Variants in DAG1 observed in about 807,000 individuals in gnomAD.
The protein encoded by DAG1 is dystroglycan 1.
DAG1 carries 8 observed loss-of-function variants against 46.1 expected under a neutral mutation model. That is an observed-to-expected ratio of 0.17 (90% CI 0.10 to 0.31). The LOEUF (loss-of-function observed/expected upper bound fraction) is 0.31. Ranked by LOEUF, DAG1 falls within the 10% of genes least tolerant of loss-of-function variation. DAG1 has a pLI of 1.00. For synonymous variants in DAG1, 495 were observed against 481.8 expected, an observed-to-expected ratio of 1.03 and a Z score of -0.36; for missense variants, 1,003 against 1,189.9, an observed-to-expected ratio of 0.84 and a Z score of 2.31.
intron 1 of DAG1, among the ~76,000 whole-genome samples, chr3:49,473,244 T>C (rs965573191): frequency 3.3e-5 from 5 of 151,718 alleles, no homozygotes; most frequent in African/African-American, 1.2e-4. Flanking sequence ...TGAAACCCTG[T>C]CTCTACTAAA....
At chr3:49,474,180 G>A (rs1310550048) in intron 1 of DAG1, among the ~76,000 whole-genome samples, 4 of 151,050 alleles carry the variant, frequency 2.6e-5, no homozygotes, top group Non-Finnish European at 5.9e-5. Flanking sequence ...TTGCCCTCCC[G>A]AGTAGCTGGG....
intron 1 of DAG1, among the ~76,000 whole-genome samples, chr3:49,501,076 A>G (rs2050436769): frequency 6.6e-6 from 1 of 152,200 alleles, no homozygotes; most frequent in Non-Finnish European, 1.5e-5. Context: ...TCCTTAGAGC[A>G]TGGAAAACCA....
chr3:49,512,490 C>T (rs1385905482), intron 2 of DAG1, among the ~76,000 whole-genome samples: 1 of 151,484 alleles, frequency 6.6e-6, no homozygotes, highest in Non-Finnish European at 1.5e-5. Flanking sequence ...CTCCCAGATT[C>T]AAGTGATTCT....
At chr3:49,515,076 C>T (rs759085226) in intron 2 of DAG1, among the ~76,000 whole-genome samples, 8 of 151,962 alleles carry the variant, frequency 5.3e-5, no homozygotes, top group Non-Finnish European at 1.0e-4. Context: ...CCTCGTGATC[C>T]GCCCACCTTG....
rs562789829 is a variant in DAG1, at chr3:49,514,478, C to CT, written c.285+3669dup. ...GATCATAGTGGATATATTTTTTAAC[C>CT]TTTTTTTTTTGAGACAGAGTCTCAC... is the stretch of plus-strand genomic sequence containing the variant. On this transcript the variant is annotated intron_variant, in intron 2 of 2. Coordinates refer to ENST00000308775, the MANE Select transcript of DAG1 (RefSeq NM_004393.6). 2.5e-3 allele frequency among the ~76,000 whole-genome samples: 365 copies of CT among 148,410 alleles called. 6 individuals carry two copies. Among genetic ancestry groups the CT allele is most frequent in the African/African-American group, 8.0e-3 (326 of 40,592 alleles).
At chr3:49,528,476 G>A (rs1225552938) in intron 2 of DAG1, among the ~76,000 whole-genome samples, 1 of 151,504 alleles carries the variant, frequency 6.6e-6, no homozygotes, top group Admixed American at 6.6e-5. Context: ...GTAGAGACGG[G>A]ATTTTGCCAT....
chr3:49,530,204 A>G (rs971249668), intron 2 of DAG1, among the ~76,000 whole-genome samples: 3 of 152,208 alleles, frequency 2.0e-5, no homozygotes, highest in Non-Finnish European at 4.4e-5. Flanking sequence ...TCTTTGCTAC[A>G]CAAATGTGCC....
chr3:49,534,481 A>C lies in DAG1; in HGVS notation c.*1282A>C, dbSNP rs1368782524. The C allele has an allele frequency of 6.6e-6, 1 of 152,612 alleles. No individual in the cohort carries two copies. The highest frequency in any genetic ancestry group is 6.5e-5 in the Admixed American group (1 of 15,286). The allele number at this position is 152,612 out of a possible 1,614,324, so 9.5% of individuals were successfully genotyped here. On this transcript the variant is annotated 3_prime_UTR_variant, in exon 3 of 3. Transcript: ENST00000308775. ...GCTCTCAAAGCTAATTTTTTACTAA[A>C]GTTTTTATACAGCCTCAAATTGTTT...
At chr3:49,521,041 C>T (rs1415772685) in intron 2 of DAG1, among the ~76,000 whole-genome samples, 1 of 152,144 alleles carries the variant, frequency 6.6e-6, no homozygotes, top group Non-Finnish European at 1.5e-5. Flanking sequence ...TTTATGAGAA[C>T]TAAGTAATAG....
intron 2 of DAG1, among the ~76,000 whole-genome samples, chr3:49,528,865 T>G (rs535655015): frequency 6.6e-6 from 1 of 151,810 alleles, no homozygotes; most frequent in Non-Finnish European, 1.5e-5. Flanking sequence ...TTTTTTTTTT[T>G]TCTGAGATGG....
chr3:49,507,635 TTTTTTCTTTTTC>T (rs1337432171), intron 1 of DAG1, among the ~76,000 whole-genome samples: 2 of 151,896 alleles, frequency 1.3e-5, no homozygotes, highest in East Asian at 3.9e-4. Context: ...TTTTTTCTTT[TTTTTTCTTTTTC>T]TTTTTCTTTT....
chr3:49,486,370 C>T (rs1559551280), intron 1 of DAG1, among the ~76,000 whole-genome samples: 1 of 151,818 alleles, frequency 6.6e-6, no homozygotes, highest in Non-Finnish European at 1.5e-5. Flanking sequence ...AGGCGCATGC[C>T]ACCACGCCCG....
intron 2 of DAG1, among the ~76,000 whole-genome samples, chr3:49,512,566 A>AT (rs2050791344): frequency 6.6e-6 from 1 of 151,146 alleles, no homozygotes; most frequent in Non-Finnish European, 1.5e-5. Flanking sequence ...TAATTTTTGT[A>AT]TTTTTAGTAC....
intron 1 of DAG1, among the ~76,000 whole-genome samples, chr3:49,482,585 C>T (rs1185362250): frequency 1.3e-5 from 2 of 152,164 alleles, no homozygotes; most frequent in South Asian, 4.1e-4. Flanking sequence ...CTTATGTGTA[C>T]GTCCATCCAG....
chr3:49,490,579 T>A (rs1018933237), intron 1 of DAG1, among the ~76,000 whole-genome samples: 3 of 151,710 alleles, frequency 2.0e-5, no homozygotes, highest in Non-Finnish European at 4.4e-5. Flanking sequence ...TCTTTTATTT[T>A]TTTTTTTTGG....
intron 1 of DAG1, among the ~76,000 whole-genome samples, chr3:49,484,860 G>A (rs1377633142): frequency 6.6e-6 from 1 of 151,248 alleles, no homozygotes; most frequent in Non-Finnish European, 1.5e-5. Context: ...GCAATGGCAC[G>A]ATCTCTGCTC....
At chr3:49,511,947 T>C (rs1319606569) in intron 2 of DAG1, among the ~76,000 whole-genome samples, 3 of 152,270 alleles carry the variant, frequency 2.0e-5, no homozygotes, top group Admixed American at 6.5e-5. Context: ...GTGGATACTT[T>C]TTCTTTTTTA....
intron 2 of DAG1, among the ~76,000 whole-genome samples, chr3:49,523,028 G>T (rs974146107): frequency 1.3e-5 from 2 of 152,196 alleles, no homozygotes; most frequent in African/African-American, 4.8e-5. Flanking sequence ...GGTGGGACCA[G>T]CTTGTCACCC....
chr3:49,498,320 T>G (rs2050365392), intron 1 of DAG1, among the ~76,000 whole-genome samples: 1 of 152,134 alleles, frequency 6.6e-6, no homozygotes, highest in Admixed American at 6.6e-5. Context: ...TCTTCACCAG[T>G]CACTTGACTT....
Sources: allele counts gnomAD v4.1 joint callset (sites outside exome capture counted in the v4.1 genomes callset), GRCh38; gene constraint gnomAD v4.1.1; transcripts MANE v1.5; gene names NCBI Gene and HGNC (gene_info 2026-07-23, HGNC 2026-07-21).